Variants in MYO1D observed in about 807,000 individuals in gnomAD.
MYO1D encodes myosin ID.
In MYO1D, 83 loss-of-function variants were observed where a neutral mutation model predicts 122.0. That is an observed-to-expected ratio of 0.68 (90% CI 0.57 to 0.82). MYO1D has a LOEUF of 0.82. Among genes scored for constraint, MYO1D ranks in the 40% least tolerant of loss-of-function variants. MYO1D has a pLI of 0.00. For missense variants in MYO1D, 1,157 were observed against 1,269.5 expected, an observed-to-expected ratio of 0.91 and a Z score of 1.35; for synonymous variants, 464 against 446.9, an observed-to-expected ratio of 1.04 and a Z score of -0.48.
chr17:32,750,016 A>G (rs2089882249), intron 11 of MYO1D, among the ~76,000 whole-genome samples: 1 of 152,092 alleles, frequency 6.6e-6, no homozygotes, highest in South Asian at 2.1e-4. Flanking sequence ...CCTGGAAAGG[A>G]CTCCTGGAAT....
At chr17:32,578,785 A>G (rs2087301355) in intron 21 of MYO1D, among the ~76,000 whole-genome samples, 1 of 152,152 alleles carries the variant, frequency 6.6e-6, no homozygotes, top group Non-Finnish European at 1.5e-5. Context: ...TACTTCCCCT[A>G]AGTCTCCTCC....
intron 1 of MYO1D, among the ~76,000 whole-genome samples, chr17:32,790,339 C>CACTG (rs1738006446): frequency 1.3e-5 from 2 of 152,188 alleles, no homozygotes; most frequent in South Asian, 4.1e-4. Flanking sequence ...TTACTGTGTG[C>CACTG]ACTGGCCTTT....
At chr17:32,843,050 C>T (rs1048808180) in intron 1 of MYO1D, among the ~76,000 whole-genome samples, 5 of 151,754 alleles carry the variant, frequency 3.3e-5, no homozygotes, top group Non-Finnish European at 5.9e-5. Flanking sequence ...CACCATGGGC[C>T]AGCTAATTTT....
In MYO1D at chr17:32,703,979, T is replaced by G. The variant is rs150166299; in HGVS notation, c.2121+8009A>C. 1.7e-3 allele frequency among the ~76,000 whole-genome samples: 254 copies of G among 152,296 alleles called. 1 individual carries two copies. Among genetic ancestry groups the G allele is most frequent in the African/African-American group, 5.8e-3 (243 of 41,560 alleles). ...AAAAAAGCTAAAATAACAAAATCAG[T>G]GTGGACAGATTTATCTCATAATACG... On this transcript the variant is annotated intron_variant, in intron 16 of 21. Coordinates refer to ENST00000318217, the MANE Select transcript of MYO1D (RefSeq NM_015194.3).
chr17:32,507,588 A>G (rs1385149958), intron 21 of MYO1D, among the ~76,000 whole-genome samples: 1 of 152,268 alleles, frequency 6.6e-6, no homozygotes, highest in East Asian at 1.9e-4. Flanking sequence ...ACAGTGCAGT[A>G]AAATTAGAAA....
At chr17:32,748,324 G>A (rs966286611) in intron 12 of MYO1D, among the ~76,000 whole-genome samples, 6 of 152,034 alleles carry the variant, frequency 3.9e-5, no homozygotes, top group African/African-American at 1.5e-4. Flanking sequence ...TCACCTAGGG[G>A]CCTTTTTATG....
intron 11 of MYO1D, 73 bp downstream of exon 11, chr17:32,755,419 A>G: frequency 7.0e-7 from 1 of 1,437,680 alleles, no homozygotes; most frequent in East Asian, 2.3e-5. Context: ...CAACATATAA[A>G]GTCGTTGAAC....
At chr17:32,715,012 A>G (rs2089424985) in intron 15 of MYO1D, among the ~76,000 whole-genome samples, 1 of 152,226 alleles carries the variant, frequency 6.6e-6, no homozygotes, top group Admixed American at 6.5e-5. Context: ...AAAGGATATA[A>G]ACAGACACTT....
intron 1 of MYO1D, among the ~76,000 whole-genome samples, chr17:32,822,558 G>C (rs1448306753): frequency 8.1e-6 from 1 of 124,200 alleles, no homozygotes; most frequent in African/African-American, 2.9e-5. Flanking sequence ...GCTCGGGACG[G>C]GGCCCGGGGA....
At chr17:32,807,804 C>CT (rs142297237) in intron 1 of MYO1D, among the ~76,000 whole-genome samples, 5,888 of 152,246 alleles carry the variant, frequency 0.039, 369 homozygotes, top group African/African-American at 0.13. Flanking sequence ...AGAAATAAGC[C>CT]TTCTTACATT....
intron 21 of MYO1D, among the ~76,000 whole-genome samples, chr17:32,595,664 T>A (rs1445089326): frequency 6.6e-6 from 1 of 152,130 alleles, no homozygotes; most frequent in African/African-American, 2.4e-5. Flanking sequence ...TAACAATGAG[T>A]ATTCAACAGT....
At chr17:32,646,871 G>A (rs1047744054) in intron 19 of MYO1D, among the ~76,000 whole-genome samples, 2 of 152,044 alleles carry the variant, frequency 1.3e-5, no homozygotes, top group Admixed American at 6.6e-5. Context: ...ATATTAAAAT[G>A]GCAAAGGAAA....
intron 1 of MYO1D, among the ~76,000 whole-genome samples, chr17:32,865,857 A>G (rs1292514519): frequency 6.6e-6 from 1 of 152,214 alleles, no homozygotes; most frequent in African/African-American, 2.4e-5. Context: ...AAGAGGAACT[A>G]GCAGATGTTC....
intron 1 of MYO1D, among the ~76,000 whole-genome samples, chr17:32,860,534 T>C (rs1322371977): frequency 6.6e-6 from 1 of 152,252 alleles, no homozygotes; most frequent in Non-Finnish European, 1.5e-5. Context: ...TATTGTTAAA[T>C]TGTTGCCCTT....
intron 16 of MYO1D, among the ~76,000 whole-genome samples, chr17:32,696,972 G>A (rs1010676219): frequency 1.3e-5 from 2 of 152,152 alleles, no homozygotes; most frequent in African/African-American, 4.8e-5. Flanking sequence ...TGTCCTCCCT[G>A]TTAATGTGTT....
At chr17:32,668,351 G>C (rs2088664522) in intron 16 of MYO1D, among the ~76,000 whole-genome samples, 1 of 152,206 alleles carries the variant, frequency 6.6e-6, no homozygotes, top group African/African-American at 2.4e-5. Flanking sequence ...CTGGTAAAGA[G>C]TACAGGTCAG....
At chr17:32,844,389 AC>A (rs2090915740) in intron 1 of MYO1D, among the ~76,000 whole-genome samples, 1 of 146,786 alleles carries the variant, frequency 6.8e-6, no homozygotes, top group East Asian at 2.0e-4. Flanking sequence ...GTGTATATAT[AC>A]TATATATAAT....
intron 1 of MYO1D, among the ~76,000 whole-genome samples, chr17:32,862,004 C>A (rs1201543727): frequency 1.3e-5 from 2 of 152,128 alleles, no homozygotes; most frequent in Non-Finnish European, 2.9e-5. Flanking sequence ...GGCAATAGAG[C>A]CAGACCTTGT....
chr17:32,554,126 C>CCT (rs2087046947), intron 21 of MYO1D, among the ~76,000 whole-genome samples: 1 of 152,144 alleles, frequency 6.6e-6, no homozygotes, highest in African/African-American at 2.4e-5. Context: ...CCCTCCTGAG[C>CCT]CTCTGTTCAA....
Sources: gnomAD v4.1 joint callset for allele counts (sites outside exome capture counted in the v4.1 genomes callset) on GRCh38, gnomAD v4.1.1 for gene constraint, MANE v1.5 for transcripts, NCBI Gene and HGNC (gene_info 2026-07-23, HGNC 2026-07-21) for gene names.